FZR1: variants seen among roughly 807,000 people sequenced by gnomAD.
FZR1 encodes the protein fizzy and cell division cycle 20 related 1.
In FZR1, 11 loss-of-function variants were observed where a neutral mutation model predicts 63.6. The observed-to-expected ratio is 0.17, with a 90% CI of 0.11 to 0.29. The LOEUF is 0.29. Ranked by LOEUF, FZR1 falls within the 10% of genes least tolerant of loss-of-function variation. The pLI, the probability that FZR1 is intolerant of heterozygous loss-of-function variation, is 1.00. For missense variants in FZR1, 440 were observed against 687.5 expected (o/e 0.64, Z 4.03); for synonymous variants, 328 against 297.9 (o/e 1.10, Z -1.04).
intron 1 of FZR1, 120 bp downstream of exon 1, chr19:3,506,594 C>T (rs960249070): frequency 2.0e-5 from 3 of 151,620 alleles, no homozygotes; most frequent in African/African-American, 7.3e-5. Context: ...CAGGCCCCTC[C>T]AGGAGCCCCC....
chr19:3,528,898 GGGAGTGGATGTTT>G (rs2083193796), intron 7 of FZR1, among the ~76,000 whole-genome samples: 2 of 150,908 alleles, frequency 1.3e-5, no homozygotes, highest in East Asian at 2.0e-4. Context: ...AGTGGTTGAG[GGGAGTGGATGTTT>G]GAGTGGATGG....
Position 3,532,624 on chromosome 19 carries a change from G to A in FZR1, c.1216G>A (p.Ala406Thr). The A allele has an allele frequency of 6.2e-7, 1 of 1,612,438 alleles. No individual in the cohort carries two copies. The highest frequency in any genetic ancestry group is 2.2e-5 in the East Asian group (1 of 44,866). ...CACGGGCTCCCAAGTGTGCAATCTG[G>A]CCTGGTCCAAGCACGCCAACGAGCT... ...IDTGSQVCNL[A>T]WSKHANELVS... The change falls in exon 11 of 14, where the codon GCC becomes ACC. Residue 406 changes from alanine (A) to threonine (T), a missense_variant. Coordinates refer to ENST00000441788, the MANE Select transcript of FZR1 (RefSeq NM_016263.4).
chr19:3,517,856 CTTTTT>C (rs763347330), intron 1 of FZR1, among the ~76,000 whole-genome samples: 1 of 137,044 alleles, frequency 7.3e-6, no homozygotes, highest in Non-Finnish European at 1.6e-5. Flanking sequence ...AAACAAAGTT[CTTTTT>C]TTTTTTTTTT....
chr19:3,512,550 C>T (rs1214568775), intron 1 of FZR1, among the ~76,000 whole-genome samples: 1 of 152,156 alleles, frequency 6.6e-6, no homozygotes, highest in Non-Finnish European at 1.5e-5. Flanking sequence ...TTTCATGGGA[C>T]TTGGTTTACT....
chr19:3,513,856 T>C (rs1383034180), intron 1 of FZR1, among the ~76,000 whole-genome samples: 1 of 152,126 alleles, frequency 6.6e-6, no homozygotes, highest in Non-Finnish European at 1.5e-5. Context: ...CCCTGGTGTA[T>C]ACCATAGGTG....
chr19:3,509,291 C>T (rs773839221), intron 1 of FZR1, among the ~76,000 whole-genome samples: 106 of 152,214 alleles, frequency 7.0e-4, no homozygotes, highest in Non-Finnish European at 1.3e-3. Context: ...GGATGAGGGG[C>T]ACACAAGCAG....
chr19:3,532,120 T>G, intron 10 of FZR1, 25 bp downstream of exon 10: 2 of 1,479,624 alleles, frequency 1.4e-6, no homozygotes, highest in Non-Finnish European at 1.8e-6. Context: ...AGCCTGGGCT[T>G]CCCCTTCACC....
chr19:3,526,091 C>G lies in FZR1; in HGVS notation c.196-29C>G, dbSNP rs575076320. ...GGCCGGGAACAAGCGGGCTCCTCGA[C>G]CCCTCCCTCTCTGCTCTCCTGCCTG... On this transcript the variant is annotated intron_variant, in intron 3 of 13. Transcript: ENST00000441788. This position sits in a 1 kb window ranked among gnomAD's most constrained non-coding sequence, Gnocchi z 5.4. 46 of 1,612,286 alleles carry G rather than the reference C, an allele frequency of 2.9e-5. No individual in the cohort carries two copies. The East Asian group carries it at 1.0e-3, about 36-fold the overall frequency.
chr19:3,527,866 C>G (rs1457521346), intron 7 of FZR1, 52 bp downstream of exon 7: 1 of 1,437,778 alleles, frequency 7.0e-7, no homozygotes, highest in African/African-American at 1.4e-5. Context: ...CAGCTCCCAG[C>G]AGACCTCAAT....
At chr19:3,528,686 A>G (rs1294154654) in intron 7 of FZR1, among the ~76,000 whole-genome samples, 1 of 148,128 alleles carries the variant, frequency 6.8e-6, no homozygotes, top group African/African-American at 2.5e-5. Context: ...TGGATGGGTG[A>G]GCGGATGAGA....
Position 3,535,092 on chromosome 19 carries a change from C to A in FZR1, c.*256C>A. 3.6e-6 allele frequency: 2 copies of A among 559,594 alleles called. No homozygotes were observed. Among genetic ancestry groups the A allele is most frequent in the Non-Finnish European group, 6.4e-6 (2 of 311,944 alleles). 34.7% of individuals were successfully genotyped at this position (559,594 alleles called of 1,614,324 possible). On this transcript the variant is annotated 3_prime_UTR_variant, in exon 14 of 14. Transcript: ENST00000441788. ...GTCTCCCTTCCCAAAGGGCGAGAAC[C>A]ACATTGGACGGTCCCGGCTCAGACC... is the stretch of plus-strand genomic sequence containing the variant.
At chr19:3,527,250 G>T (rs1379592391) in intron 6 of FZR1, among the ~76,000 whole-genome samples, 188 bp downstream of exon 6, 2 of 152,160 alleles carry the variant, frequency 1.3e-5, no homozygotes, top group Non-Finnish European at 2.9e-5. Flanking sequence ...GAGTGGAGGG[G>T]CCCCAGCCCC....
At chr19:3,522,004 G>A (rs550351851) in intron 1 of FZR1, among the ~76,000 whole-genome samples, 53 of 152,194 alleles carry the variant, frequency 3.5e-4, no homozygotes, top group Non-Finnish European at 6.0e-4. Context: ...CCACAGGTGC[G>A]CGCCACCACA....
chr19:3,520,117 C>A (rs528571334), intron 1 of FZR1, among the ~76,000 whole-genome samples: 1 of 152,374 alleles, frequency 6.6e-6, no homozygotes, highest in East Asian at 1.9e-4. Context: ...GCTGTCTTCA[C>A]TGGGGACAGA....
Position 3,533,676 on chromosome 19 carries a change from A to G in FZR1, c.1347+278A>G. ...TTATTTTCCCCATAAAGAGGGGTGA[A>G]GAGGAAAGCCAAAACCAACTCACAG... On this transcript the variant is annotated intron_variant, in intron 12 of 13. Transcript: ENST00000441788. This position sits in a 1 kb window ranked among gnomAD's most constrained non-coding sequence, Gnocchi z 4.9. The G allele has an allele frequency of 2.4e-6, 1 of 421,622 alleles. No homozygotes were observed. Among genetic ancestry groups the G allele is most frequent in the Non-Finnish European group, 4.3e-6 (1 of 230,824 alleles). The allele number at this position is 421,622 out of a possible 1,614,324, so 26.1% of individuals were successfully genotyped here.
Position 3,536,192 on chromosome 19 carries a change from G to A in FZR1, c.*1356G>A, listed in dbSNP as rs1289582960. The A allele has an allele frequency of 6.6e-6, 1 of 152,274 alleles. No homozygotes were observed. The highest frequency in any genetic ancestry group is 2.4e-5 in the African/African-American group (1 of 41,442). The allele number at this position is 152,274 out of a possible 1,614,324, so 9.4% of individuals were successfully genotyped here. A position where few individuals can be genotyped will look rare whatever the true frequency, so the allele number is the denominator to read the frequency against. Reference sequence around the variant, plus strand: ...ACATATGTATTTGTGACTTTTCTTTGGATTTGTTTTGTGTTTTTGTTGACT... The same window carrying A: ...ACATATGTATTTGTGACTTTTCTTTAGATTTGTTTTGTGTTTTTGTTGACT... On this transcript the variant is annotated 3_prime_UTR_variant, in exon 14 of 14. Transcript: ENST00000441788.
In FZR1 at chr19:3,533,056, C is replaced by T. The variant is rs993861871; in HGVS notation, c.1243-238C>T. On this transcript the variant is annotated intron_variant, in intron 11 of 13. Transcript: ENST00000441788. The surrounding 1 kb of genome is among the most constrained non-coding windows in gnomAD (Gnocchi z 4.9). ...GGTGGGGCAGAGGGGCTGTGGGCCC[C>T]GTTTGGGTCCTTGTTGGGCTCCAGC... is the stretch of plus-strand genomic sequence containing the variant. 3.3e-5 allele frequency among the ~76,000 whole-genome samples: 5 copies of T among 152,096 alleles called. No individual in the cohort carries two copies. Among genetic ancestry groups the T allele is most frequent in the African/African-American group, 1.2e-4 (5 of 41,418 alleles).
chr19:3,525,999 G>T lies in FZR1; in HGVS notation c.195+6G>T. The T allele has an allele frequency of 2.5e-6, 4 of 1,611,644 alleles. No individual in the cohort carries two copies. The highest frequency in any genetic ancestry group is 3.4e-6 in the Non-Finnish European group (4 of 1,179,498). ...TGAACTTCCACAGGATTAACGTGAG[G>T]GGCTGGCTGGGCAGGAGATGGGACC... is the stretch of plus-strand genomic sequence containing the variant. On this transcript the variant is annotated splice_donor_region_variant and intron_variant, in intron 3 of 13. Transcript: ENST00000441788. This position sits in a 1 kb window ranked among gnomAD's most constrained non-coding sequence, Gnocchi z 4.2.
At chr19:3,507,377 C>T (rs1040128497) in intron 1 of FZR1, among the ~76,000 whole-genome samples, 3 of 151,742 alleles carry the variant, frequency 2.0e-5, no homozygotes, top group African/African-American at 7.3e-5. Flanking sequence ...CCTGTGACAC[C>T]CCCTCCCCCT....
Sources: gnomAD v4.1 joint callset for allele counts (sites outside exome capture counted in the v4.1 genomes callset) on GRCh38, gnomAD v4.1.1 for gene constraint, Gnocchi (gnomAD v3.1) non-coding constraint, MANE v1.5 for transcripts, NCBI Gene and HGNC (gene_info 2026-07-23, HGNC 2026-07-21) for gene names.